Variants in CAST observed in about 807,000 individuals in gnomAD.
CAST encodes the protein calpastatin, also known as MIR583 host.
A neutral mutation model predicts 119.6 loss-of-function variants in CAST; 76 were observed. That is an observed-to-expected ratio of 0.64 (90% CI 0.53 to 0.77). CAST has a LOEUF of 0.77. CAST is among the 30% of genes least tolerant of loss of function. CAST has a pLI of 0.00. For synonymous variants in CAST, 319 were observed against 331.6 expected (o/e 0.96, Z 0.41); for missense variants, 953 against 946.5 (o/e 1.01, Z -0.09).
chr5:96,684,422 T>C (rs1751805124), intron 2 of CAST, among the ~76,000 whole-genome samples: 1 of 152,240 alleles, frequency 6.6e-6, no homozygotes, highest in African/African-American at 2.4e-5. Flanking sequence ...TGGTTGATTA[T>C]ATATTGCAGC....
the CAST span, among the ~76,000 whole-genome samples, chr5:96,286,440 G>C: frequency 6.6e-6 from 1 of 152,104 alleles, no homozygotes; most frequent in South Asian, 2.1e-4. Flanking sequence ...TGGACTCAAA[G>C]AACAAATGTT....
chr5:96,701,631 CCT>C (rs1218852896), intron 3 of CAST, among the ~76,000 whole-genome samples: 1 of 151,870 alleles, frequency 6.6e-6, no homozygotes, highest in East Asian at 1.9e-4. Flanking sequence ...ATGGTGAAAC[CCT>C]GTCTCTACTA....
chr5:96,746,458 A>T lies in CAST; in HGVS notation c.1284+33A>T, dbSNP rs776369114. ...TTTAGCCACAGTGCATGACAACAGC[A>T]TCTTGCCTTTGCATCTTGTTTTGTT... is the stretch of plus-strand genomic sequence containing the variant. On this transcript the variant is annotated intron_variant, in intron 17 of 31. Coordinates refer to ENST00000675179, the MANE Select transcript of CAST (RefSeq NM_001750.7). 47 of 1,185,378 alleles carry T rather than the reference A, an allele frequency of 4.0e-5. No individual in the cohort carries two copies. In the Middle Eastern group the frequency reaches 5.7e-4, roughly 14 times the overall value. The allele number at this position is 1,185,378 out of a possible 1,614,324, so 73.4% of individuals were successfully genotyped here.
the CAST span, among the ~76,000 whole-genome samples, chr5:96,449,706 C>G: frequency 3.4e-4 from 52 of 152,206 alleles, no homozygotes; most frequent in African/African-American, 1.2e-3. Context: ...TCTTCTCTCA[C>G]TATGTTCAAA....
the CAST span, among the ~76,000 whole-genome samples, chr5:96,469,323 C>A: frequency 6.6e-6 from 1 of 151,960 alleles, no homozygotes; most frequent in Non-Finnish European, 1.5e-5. Context: ...TTCAAAAACA[C>A]CTGTCACAAT....
At position 96,748,630 on chromosome 5, in the gene CAST, A is replaced by T. The variant is rs752031293; in HGVS notation, c.1428+17A>T. On this transcript the variant is annotated intron_variant, in intron 19 of 31. Transcript: ENST00000675179. The stretch of plus-strand genomic sequence containing the variant: ...AAGACAGAAGTATGTTTCTAAACAT[A>T]TAAATCTCTAGTTTTGAGGTTTGTG... The T allele has an allele frequency of 1.2e-5, 14 of 1,196,086 alleles. No homozygotes were observed. Among genetic ancestry groups the T allele is most frequent in the Admixed American group, 1.8e-5 (1 of 56,198 alleles). 74.1% of individuals were successfully genotyped at this position (1,196,086 alleles called of 1,614,324 possible).
chr5:96,370,914 A>G, the CAST span, among the ~76,000 whole-genome samples: 2 of 152,158 alleles, frequency 1.3e-5, no homozygotes, highest in African/African-American at 2.4e-5. Context: ...GAGCTCCCCA[A>G]CTATGTAGAC....
Position 96,534,757 on chromosome 5 carries a change from GAAAGAAAGAAAGAA to G in CAST, c.60+4879_60+4892del, listed in dbSNP as rs1745762310. ...AGAGAGAGAGAAAGAAAGAAAGAAA[GAAAGAAAGAAAGAA>G]AGAAAGAAAGAAAGAAAGAAAGAAA... is the stretch of plus-strand genomic sequence containing the variant. On this transcript the variant is annotated intron_variant, in intron 1 of 11. Coordinates refer to the CAST transcript ENST00000505143. 5.7e-5 allele frequency among the ~76,000 whole-genome samples: 4 copies of G among 70,474 alleles called. 1 individual carries two copies. Among genetic ancestry groups the G allele is most frequent in the African/African-American group, 1.1e-4 (2 of 18,110 alleles). The allele number at this position is 70,474 out of a possible 152,430, so 46.2% of individuals were successfully genotyped here.
At chr5:96,610,671 C>T (rs1714248672) in intron 1 of CAST, among the ~76,000 whole-genome samples, 1 of 152,068 alleles carries the variant, frequency 6.6e-6, no homozygotes, top group African/African-American at 2.4e-5. Flanking sequence ...CTAGCCAGAG[C>T]AATCAGGCAA....
chr5:96,069,698 G>A, the CAST span, among the ~76,000 whole-genome samples: 1 of 112,480 alleles, frequency 8.9e-6, no homozygotes, highest in East Asian at 2.8e-4. Flanking sequence ...GGGAGGTCTT[G>A]CTGTGTTGCC....
chr5:96,701,621 A>G (rs1753896975), intron 3 of CAST, among the ~76,000 whole-genome samples: 3 of 152,082 alleles, frequency 2.0e-5, no homozygotes, highest in Non-Finnish European at 2.9e-5. Context: ...CCTGGCCAAC[A>G]TGGTGAAACC....
chr5:96,768,017 AT>A lies in CAST; in HGVS notation c.2268+21del, dbSNP rs758554970. On this transcript the variant is annotated intron_variant, in intron 29 of 31. Transcript: ENST00000675179. Reference sequence around the variant, plus strand: ...CAGCAAAGGTACTGTGCTTTTTCACATTTCACTCTTTGAAATGTGTGTGTGT... The same window carrying A: ...CAGCAAAGGTACTGTGCTTTTTCACATTCACTCTTTGAAATGTGTGTGTGT... The A allele has an allele frequency of 6.6e-7, 1 of 1,515,110 alleles. No individual in the cohort carries two copies. The highest frequency in any genetic ancestry group is 1.4e-5 in the African/African-American group (1 of 72,948). The allele number at this position is 1,515,110 out of a possible 1,614,324, so 93.9% of individuals were successfully genotyped here.
At chr5:96,374,342 G>A in the CAST span, among the ~76,000 whole-genome samples, 1 of 152,134 alleles carries the variant, frequency 6.6e-6, no homozygotes, top group Non-Finnish European at 1.5e-5. Flanking sequence ...AAACAAACAA[G>A]TTCATTGGGA....
At chr5:96,106,550 T>C in the CAST span, among the ~76,000 whole-genome samples, 1 of 150,278 alleles carries the variant, frequency 6.7e-6, no homozygotes, top group Non-Finnish European at 1.5e-5. Context: ...AGATTCTTAA[T>C]CCTGAGTTCT....
chr5:96,304,612 G>A, the CAST span, among the ~76,000 whole-genome samples: 1 of 152,124 alleles, frequency 6.6e-6, no homozygotes, highest in Non-Finnish European at 1.5e-5. Flanking sequence ...AATCCATCTT[G>A]AGTTAATTTT....
At chr5:96,192,049 C>G in the CAST span, among the ~76,000 whole-genome samples, 4 of 152,094 alleles carry the variant, frequency 2.6e-5, no homozygotes, top group Non-Finnish European at 4.4e-5. Flanking sequence ...TCCAAGTTGT[C>G]TAATAAGGCT....
At chr5:96,502,422 A>G in the CAST span, among the ~76,000 whole-genome samples, 1 of 151,978 alleles carries the variant, frequency 6.6e-6, no homozygotes. Flanking sequence ...TAATTAAAGG[A>G]TTTTAATTTT....
the CAST span, among the ~76,000 whole-genome samples, chr5:96,083,093 G>C: frequency 6.6e-6 from 1 of 152,216 alleles, no homozygotes. Context: ...CTTAGTGGGA[G>C]AAGAAATTTT....
chr5:96,626,036 T>G (rs1451035273), intron 1 of CAST, among the ~76,000 whole-genome samples: 1 of 152,210 alleles, frequency 6.6e-6, no homozygotes, highest in Non-Finnish European at 1.5e-5. Context: ...CGTGTCCGCC[T>G]TGTCCTCCCT....
Sources: gnomAD v4.1 joint callset for allele counts (sites outside exome capture counted in the v4.1 genomes callset) on GRCh38, gnomAD v4.1.1 for gene constraint, MANE v1.5 for transcripts, NCBI Gene and HGNC (gene_info 2026-07-23, HGNC 2026-07-21) for gene names.